SGCD: variants seen among roughly 807,000 people sequenced by gnomAD.
SGCD encodes delta-sarcoglycan.
SGCD carries 18 observed loss-of-function variants against 36.6 expected under a neutral mutation model. That is an observed-to-expected ratio of 0.49 (90% CI 0.34 to 0.73). The LOEUF is 0.73. Ranked by LOEUF, SGCD falls within the 30% of genes least tolerant of loss-of-function variation. SGCD has a pLI of 0.01. For missense variants in SGCD, 387 were observed against 346.7 expected, an observed-to-expected ratio of 1.12 and a Z score of -0.92; for synonymous variants, 133 against 130.6, an observed-to-expected ratio of 1.02 and a Z score of -0.12.
intron 3 of SGCD, among the ~76,000 whole-genome samples, chr5:156,292,542 C>T (rs902085768): frequency 6.6e-6 from 1 of 152,106 alleles, no homozygotes; most frequent in African/African-American, 2.4e-5. Flanking sequence ...CTATTGTAAA[C>T]AATGCTGCTA....
At chr5:156,701,110 A>G (rs1308640647) in intron 7 of SGCD, among the ~76,000 whole-genome samples, 3 of 152,122 alleles carry the variant, frequency 2.0e-5, no homozygotes, top group Non-Finnish European at 4.4e-5. Context: ...CCTGTAGCCC[A>G]GGACTTCTCC....
intron 7 of SGCD, among the ~76,000 whole-genome samples, chr5:156,730,574 A>G (rs1316887530): frequency 6.6e-6 from 1 of 152,128 alleles, no homozygotes; most frequent in Non-Finnish European, 1.5e-5. Context: ...TTATGGCTGC[A>G]TAGTATTCCA....
intron 3 of SGCD, among the ~76,000 whole-genome samples, chr5:156,372,035 A>G (rs1026981863): frequency 1.3e-5 from 2 of 152,192 alleles, no homozygotes; most frequent in Admixed American, 6.5e-5. Flanking sequence ...CTCTTATTTT[A>G]AAAACTGGAA....
chr5:156,744,928 G>A (rs761302826), intron 7 of SGCD, among the ~76,000 whole-genome samples: 2 of 152,194 alleles, frequency 1.3e-5, no homozygotes, highest in Non-Finnish European at 2.9e-5. Context: ...TCCCTAACCA[G>A]TCCACCCTCT....
intron 1 of SGCD, among the ~76,000 whole-genome samples, chr5:156,081,352 C>T (rs976963106): frequency 6.6e-6 from 1 of 152,248 alleles, no homozygotes; most frequent in African/African-American, 2.4e-5. Flanking sequence ...CTGGGGATCA[C>T]AATTCAACAT....
At chr5:156,609,036 CCATTTA>C (rs1248749383) in intron 6 of SGCD, among the ~76,000 whole-genome samples, 1 of 151,928 alleles carries the variant, frequency 6.6e-6, no homozygotes, top group African/African-American at 2.4e-5. Flanking sequence ...AGCATTTAGC[CCATTTA>C]CATTTAAGGT....
At chr5:156,315,125 G>A (rs1235874680) in intron 3 of SGCD, among the ~76,000 whole-genome samples, 1 of 151,858 alleles carries the variant, frequency 6.6e-6, no homozygotes, top group Non-Finnish European at 1.5e-5. Flanking sequence ...ATTAATTACA[G>A]TTACCATGTT....
At chr5:155,921,921 A>G (rs765129431) in intron 1 of SGCD, among the ~76,000 whole-genome samples, 1 of 152,248 alleles carries the variant, frequency 6.6e-6, no homozygotes, top group Non-Finnish European at 1.5e-5. Flanking sequence ...CATCTTTACC[A>G]GGGTGCCTAA....
At chr5:156,375,664 CA>C (rs1315868987) in intron 3 of SGCD, among the ~76,000 whole-genome samples, 1 of 152,146 alleles carries the variant, frequency 6.6e-6, no homozygotes, top group Non-Finnish European at 1.5e-5. Context: ...ATTCTTTCCC[CA>C]TGCTCACTGC....
intron 1 of SGCD, among the ~76,000 whole-genome samples, chr5:155,875,638 G>C (rs1359423192): frequency 6.6e-6 from 1 of 151,318 alleles, no homozygotes; most frequent in African/African-American, 2.4e-5. Context: ...TTTCAAGATG[G>C]CTCCACTTTT....
At chr5:156,281,888 T>C (rs966096527) in intron 3 of SGCD, among the ~76,000 whole-genome samples, 17 of 152,094 alleles carry the variant, frequency 1.1e-4, no homozygotes, top group African/African-American at 3.9e-4. Context: ...ACTCCAAGAG[T>C]TCCAAGCTTA....
At chr5:156,598,497 G>A (rs867018898) in intron 6 of SGCD, among the ~76,000 whole-genome samples, 7 of 152,158 alleles carry the variant, frequency 4.6e-5, no homozygotes, top group Non-Finnish European at 8.8e-5. Flanking sequence ...AGCCAAGATC[G>A]TGCCACTGTA....
chr5:156,104,231 T>C (rs1761589554), intron 1 of SGCD, among the ~76,000 whole-genome samples: 1 of 152,192 alleles, frequency 6.6e-6, no homozygotes, highest in Non-Finnish European at 1.5e-5. Context: ...GTAATCTTCA[T>C]ATAAACTCAG....
At chr5:156,009,723 C>T (rs1758821784) in intron 1 of SGCD, among the ~76,000 whole-genome samples, 1 of 152,148 alleles carries the variant, frequency 6.6e-6, no homozygotes, top group African/African-American at 2.4e-5. Flanking sequence ...GAATTGCCAG[C>T]TTCTCCTTGG....
chr5:155,982,547 G>T (rs184378820), intron 1 of SGCD, among the ~76,000 whole-genome samples: 6 of 152,178 alleles, frequency 3.9e-5, no homozygotes, highest in African/African-American at 1.4e-4. Flanking sequence ...ACTGTCCCTC[G>T]CTGCCCTTCC....
At chr5:156,309,177 T>A (rs187728901) in intron 3 of SGCD, among the ~76,000 whole-genome samples, 1 of 152,284 alleles carries the variant, frequency 6.6e-6, no homozygotes, top group African/African-American at 2.4e-5. Context: ...TATATTAATG[T>A]TTTTCATCAA....
chr5:156,016,424 A>G (rs1381510598), intron 1 of SGCD, among the ~76,000 whole-genome samples: 5 of 152,162 alleles, frequency 3.3e-5, no homozygotes, highest in Non-Finnish European at 7.4e-5. Flanking sequence ...TTTGGCATAC[A>G]TAGAATATTA....
intron 3 of SGCD, among the ~76,000 whole-genome samples, chr5:156,270,668 C>G (rs1178792700): frequency 6.6e-6 from 1 of 152,084 alleles, no homozygotes; most frequent in East Asian, 1.9e-4. Flanking sequence ...ACTCTAGAAC[C>G]AAAGGACCTG....
Position 156,130,477 on chromosome 5 carries a change from A to G in SGCD, c.-44+6458A>G, listed in dbSNP as rs78275910. On this transcript the variant is annotated intron_variant, in intron 3 of 9. Transcript: ENST00000517913. ...TACTTTTTATTTTTTTGCAGTATAG[A>G]TGCTCTTAAGTTTAATTAGATTCCA... 4.8e-3 allele frequency among the ~76,000 whole-genome samples: 723 copies of G among 152,182 alleles called. 10 individuals carry two copies. The highest frequency in any genetic ancestry group is 0.016 in the African/African-American group (666 of 41,512).
Sources: gnomAD v4.1 joint callset for allele counts (sites outside exome capture counted in the v4.1 genomes callset) on GRCh38, gnomAD v4.1.1 for gene constraint, MANE v1.5 for transcripts, NCBI Gene and HGNC (gene_info 2026-07-23, HGNC 2026-07-21) for gene names.